The following IPO5 variants were observed in gnomAD, a reference collection of about 807,000 sequenced individuals.
IPO5 encodes importin 5, also known as importin-5.
IPO5 carries 18 observed loss-of-function variants against 143.3 expected under a neutral mutation model. That is an observed-to-expected ratio of 0.13 (90% CI 0.09 to 0.19). The LOEUF (loss-of-function observed/expected upper bound fraction) is 0.19, where lower values mean the gene tolerates loss of function less well. Among genes scored for constraint, IPO5 ranks in the 10% least tolerant of loss-of-function variants. The probability of loss-of-function intolerance (pLI) is 1.00; values close to 1 mark genes in which losing one functional copy is unlikely to be tolerated. For missense variants in IPO5, 1,013 were observed against 1,336.9 expected (o/e 0.76, Z 3.78); for synonymous variants, 477 against 465.7 (o/e 1.02, Z -0.31).
At chr13:97,987,074 T>C (rs1294722493) in intron 6 of IPO5, 2 of 168,898 alleles carry the variant, frequency 1.2e-5, no homozygotes, top group African/African-American at 2.4e-5. Flanking sequence ...AGGAAGTGGC[T>C]CTCCAAGAAG....
intron 2 of IPO5, among the ~76,000 whole-genome samples, chr13:97,954,993 TGA>T (rs1349325797): frequency 6.6e-6 from 1 of 152,068 alleles, no homozygotes; most frequent in Non-Finnish European, 1.5e-5. Context: ...TTTGGGAGGC[TGA>T]GGTGGGAGGA....
intron 3 of IPO5, 58 bp downstream of exon 3, chr13:97,969,888 A>G: frequency 7.3e-7 from 1 of 1,365,112 alleles, no homozygotes; most frequent in Admixed American, 1.7e-5. Flanking sequence ...TAAAAGAGAC[A>G]AGGTCTCGCC....
Position 97,989,491 on chromosome 13 carries a change from A to G in IPO5, c.467+327A>G, listed in dbSNP as rs569896049. 4.9e-4 allele frequency among the ~76,000 whole-genome samples: 75 copies of G among 152,316 alleles called. No individual in the cohort carries two copies. The South Asian group carries it at 0.014, about 29-fold the overall frequency. On this transcript the variant is annotated intron_variant, in intron 7 of 28. Transcript: ENST00000651721. ...GATGTAGCTTTTCAAAAGCCACATT[A>G]ATAATGGTGTCTTGAAGAGGAGAAG...
chr13:97,984,905 A>G (rs1470606348), intron 5 of IPO5, among the ~76,000 whole-genome samples: 1 of 152,220 alleles, frequency 6.6e-6, no homozygotes, highest in Non-Finnish European at 1.5e-5. Context: ...AAGAATACAC[A>G]TGTTGAGATG....
chr13:98,020,052 C>G (rs1331548328), intron 27 of IPO5: 3 of 331,038 alleles, frequency 9.1e-6, no homozygotes, highest in Non-Finnish European at 1.6e-5. Flanking sequence ...AGATGAGGCA[C>G]TTTAATTATT....
At chr13:97,974,071 A>G (rs1411205856) in intron 3 of IPO5, among the ~76,000 whole-genome samples, 1 of 152,118 alleles carries the variant, frequency 6.6e-6, no homozygotes. Flanking sequence ...TCAAAATAAT[A>G]ATAATAACAA....
At chr13:97,982,762 G>T (rs1886961840) in intron 5 of IPO5, among the ~76,000 whole-genome samples, 179 bp downstream of exon 5, 1 of 152,184 alleles carries the variant, frequency 6.6e-6, no homozygotes, top group African/African-American at 2.4e-5. Flanking sequence ...GAAGTACTTT[G>T]TATTAAGAAT....
At chr13:97,961,341 C>T (rs532518213) in intron 2 of IPO5, among the ~76,000 whole-genome samples, 2 of 152,104 alleles carry the variant, frequency 1.3e-5, no homozygotes, top group South Asian at 4.2e-4. Context: ...GCACATATAC[C>T]TAGGAGTGAA....
chr13:98,002,418 C>T (rs761813126), intron 13 of IPO5, 49 bp from the exon 14 acceptor site: 2 of 1,561,212 alleles, frequency 1.3e-6, no homozygotes, highest in South Asian at 2.3e-5. Flanking sequence ...ACCAGAATGA[C>T]ATGTTTATAG....
chr13:97,980,144 A>G (rs1364788156), intron 4 of IPO5, among the ~76,000 whole-genome samples: 1 of 152,248 alleles, frequency 6.6e-6, no homozygotes, highest in African/African-American at 2.4e-5. Context: ...AGTATTAGAA[A>G]CAGTCTTTAT....
intron 20 of IPO5, among the ~76,000 whole-genome samples, chr13:98,010,780 CTTTTTTTT>C (rs71117688): frequency 1.4e-5 from 1 of 70,034 alleles, no homozygotes; most frequent in African/African-American, 9.5e-5. Flanking sequence ...AAGGATAATC[CTTTTTTTT>C]TTTTTTTTTT....
intron 3 of IPO5, among the ~76,000 whole-genome samples, chr13:97,970,510 A>G (rs1885729794): frequency 6.6e-6 from 1 of 152,132 alleles, no homozygotes; most frequent in Non-Finnish European, 1.5e-5. Context: ...AATCCCAGCT[A>G]CTTGGGGGGC....
At chr13:97,977,002 C>T (rs1357137298) in intron 4 of IPO5, 3 of 206,686 alleles carry the variant, frequency 1.5e-5, no homozygotes, top group South Asian at 6.1e-5. Context: ...GCACCAGTTA[C>T]CTCCCCGCCG....
intron 7 of IPO5, among the ~76,000 whole-genome samples, chr13:97,989,614 A>G (rs141220363): frequency 5.8e-4 from 89 of 152,270 alleles, no homozygotes; most frequent in African/African-American, 2.0e-3. Flanking sequence ...AAATAGTCTA[A>G]GTTTAGAATT....
At chr13:98,015,463 G>A in intron 22 of IPO5, 67 bp from the exon 23 acceptor site, 1 of 799,720 alleles carries the variant, frequency 1.3e-6, no homozygotes, top group Non-Finnish European at 2.1e-6. Flanking sequence ...GATTCTTAGT[G>A]GAGTTTAACT....
chr13:97,961,199 G>C (rs1439721250), intron 2 of IPO5, among the ~76,000 whole-genome samples: 2 of 152,208 alleles, frequency 1.3e-5, no homozygotes, highest in Non-Finnish European at 2.9e-5. Context: ...TGTATAGTTA[G>C]AAGACATTTT....
At chr13:97,972,861 G>T (rs1039166759) in intron 3 of IPO5, among the ~76,000 whole-genome samples, 32 of 150,504 alleles carry the variant, frequency 2.1e-4, no homozygotes, top group Middle Eastern at 3.4e-3. Flanking sequence ...AGAAATTGAG[G>T]CTTAGCGACA....
At chr13:98,008,227 A>G (rs2139811155) in intron 18 of IPO5, 85 bp downstream of exon 18, 1 of 792,874 alleles carries the variant, frequency 1.3e-6, no homozygotes, top group Non-Finnish European at 2.1e-6. Flanking sequence ...AAAAGGAGTG[A>G]TAGGTTTCTT....
chr13:97,967,304 A>T (rs139824891), intron 2 of IPO5, among the ~76,000 whole-genome samples: 54 of 152,262 alleles, frequency 3.5e-4, no homozygotes, highest in African/African-American at 1.1e-3. Flanking sequence ...CAGTACAGCC[A>T]AAAGTTTGTG....
Sources: allele counts gnomAD v4.1 joint callset (sites outside exome capture counted in the v4.1 genomes callset), GRCh38; gene constraint gnomAD v4.1.1; transcripts MANE v1.5; gene names NCBI Gene and HGNC (gene_info 2026-07-23, HGNC 2026-07-21).